Variants in RTN1 observed in about 807,000 individuals in gnomAD.
RTN1 encodes reticulon 1.
RTN1 carries 25 observed loss-of-function variants against 65.5 expected under a neutral mutation model. The ratio of observed to expected loss-of-function variants is 0.38; its 90% confidence interval spans 0.28 to 0.53. The LOEUF is 0.53. RTN1 is among the 20% of genes least tolerant of loss of function. The probability of loss-of-function intolerance (pLI) is 0.79; values close to 1 mark genes in which losing one functional copy is unlikely to be tolerated. For synonymous variants in RTN1, 471 were observed against 447.6 expected (o/e 1.05, Z -0.66); for missense variants, 983 against 1,025.4 (o/e 0.96, Z 0.57).
intron 3 of RTN1, chr14:59,647,093 A>G (rs1339501696): frequency 6.6e-6 from 1 of 152,388 alleles, no homozygotes; most frequent in African/African-American, 2.4e-5. Context: ...TATGCTCAAA[A>G]TAAAGGGATG....
chr14:59,683,923 T>G (rs937361814), intron 3 of RTN1, among the ~76,000 whole-genome samples: 2 of 152,088 alleles, frequency 1.3e-5, no homozygotes, highest in African/African-American at 4.8e-5. Context: ...TTTGTCTGAT[T>G]CTTATTACCA....
At chr14:59,823,540 C>T (rs1886979722) in intron 1 of RTN1, among the ~76,000 whole-genome samples, 1 of 152,024 alleles carries the variant, frequency 6.6e-6, no homozygotes, top group Non-Finnish European at 1.5e-5. Context: ...GAAGCTTAGT[C>T]TGGTTGGAAA....
chr14:59,666,491 A>G lies in RTN1; in HGVS notation c.1766-58999T>C, dbSNP rs189748955. 3.4e-3 allele frequency among the ~76,000 whole-genome samples: 511 copies of G among 152,298 alleles called. 3 individuals are homozygous for G. The highest frequency in any genetic ancestry group is 0.011 in the African/African-American group (478 of 41,570). On this transcript the variant is annotated intron_variant, in intron 3 of 8. Coordinates refer to ENST00000267484, the MANE Select transcript of RTN1 (RefSeq NM_021136.3). The stretch of plus-strand genomic sequence containing the variant: ...TAAATGTCCACAAGAAAAAGCAGGA[A>G]AGATCTAAAATCGACACTCTAACAT...
chr14:59,668,056 C>T (rs1048694455), intron 3 of RTN1, among the ~76,000 whole-genome samples: 1 of 152,090 alleles, frequency 6.6e-6, no homozygotes, highest in Non-Finnish European at 1.5e-5. Flanking sequence ...TCAATGTCAT[C>T]CCCATCAAGC....
intron 1 of RTN1, among the ~76,000 whole-genome samples, chr14:59,777,782 GAAGC>G (rs1288561532): frequency 6.8e-6 from 1 of 147,528 alleles, no homozygotes; most frequent in African/African-American, 2.5e-5. Flanking sequence ...ATCAAAAACG[GAAGC>G]AAGTCAAGAC....
intron 1 of RTN1, among the ~76,000 whole-genome samples, chr14:59,767,304 T>A (rs954149330): frequency 6.6e-6 from 1 of 152,202 alleles, no homozygotes; most frequent in African/African-American, 2.4e-5. Context: ...CAGTCTTTCT[T>A]TACCCTCCCC....
At chr14:59,707,586 G>A (rs1349577972) in intron 3 of RTN1, among the ~76,000 whole-genome samples, 1 of 152,100 alleles carries the variant, frequency 6.6e-6, no homozygotes, top group Admixed American at 6.6e-5. Flanking sequence ...CAATGGTGCT[G>A]AATTTACAAA....
At chr14:59,732,339 G>A (rs1453149036) in intron 2 of RTN1, among the ~76,000 whole-genome samples, 1 of 152,210 alleles carries the variant, frequency 6.6e-6, no homozygotes, top group Non-Finnish European at 1.5e-5. Context: ...AATAGAATCA[G>A]CTTCGGTCCC....
intron 8 of RTN1, among the ~76,000 whole-genome samples, chr14:59,602,354 A>C (rs1019610738): frequency 1.3e-5 from 2 of 152,176 alleles, no homozygotes; most frequent in Non-Finnish European, 2.9e-5. Context: ...ATATTGAATA[A>C]TAATGCAATA....
intron 1 of RTN1, among the ~76,000 whole-genome samples, chr14:59,775,485 G>A (rs980778506): frequency 1.7e-4 from 26 of 152,076 alleles, no homozygotes; most frequent in African/African-American, 5.8e-4. Context: ...ACTGCATAAT[G>A]GTGGTGATAG....
chr14:59,672,972 T>A (rs571710911), intron 3 of RTN1, among the ~76,000 whole-genome samples: 2 of 152,342 alleles, frequency 1.3e-5, no homozygotes, highest in African/African-American at 2.4e-5. Flanking sequence ...ACTTCTTTGG[T>A]TAACTAGGAA....
At chr14:59,650,702 G>T (rs61394832) in intron 3 of RTN1, among the ~76,000 whole-genome samples, 2,999 of 152,272 alleles carry the variant, frequency 0.02, 102 homozygotes, top group African/African-American at 0.068. Flanking sequence ...GCTAACCAGG[G>T]ATTGTAAGAT....
At chr14:59,839,275 T>C (rs998039272) in intron 1 of RTN1, among the ~76,000 whole-genome samples, 1 of 152,212 alleles carries the variant, frequency 6.6e-6, no homozygotes, top group Non-Finnish European at 1.5e-5. Context: ...TCTGTATTAC[T>C]ACAAAAATAC....
rs1309819315 is a variant in RTN1 at position 59,870,619 on chromosome 14, C to A, written c.12G>T (p.Pro4=). The change falls in exon 1 of 9, where the codon CCG becomes CCT. Residue 4 remains proline (P), a synonymous_variant. Transcript: ENST00000267484. This position sits in a 1 kb window ranked among gnomAD's most constrained non-coding sequence, Gnocchi z 5.1. ...GCAGCAGCTCGTCCTGCGGATCCCC[C>A]GGCGCGGCCATGGCTGGCGGTCCCC... MAA[P]GDPQDELLPL... is the part of the protein sequence containing the mutation. The A allele has an allele frequency of 1.4e-6, 2 of 1,420,456 alleles. No homozygotes were observed. Among genetic ancestry groups the A allele is most frequent in the Non-Finnish European group, 1.8e-6 (2 of 1,091,424 alleles). The allele number at this position is 1,420,456 out of a possible 1,614,324, so 88.0% of individuals were successfully genotyped here. A position where few individuals can be genotyped will look rare whatever the true frequency, so the allele number is the denominator to read the frequency against.
chr14:59,706,317 C>T (rs1884293881), intron 3 of RTN1, among the ~76,000 whole-genome samples: 1 of 152,140 alleles, frequency 6.6e-6, no homozygotes, highest in Admixed American at 6.5e-5. Context: ...TTTAGTCTTC[C>T]TCTGAAATTG....
intron 1 of RTN1, among the ~76,000 whole-genome samples, chr14:59,845,802 T>C (rs1214376907): frequency 1.3e-5 from 2 of 151,892 alleles, no homozygotes; most frequent in African/African-American, 4.8e-5. Flanking sequence ...CCTAGAAGAA[T>C]CTCCCAAACC....
chr14:59,606,048 T>C (rs1442190061), intron 4 of RTN1: 1 of 149,874 alleles, frequency 6.7e-6, no homozygotes, highest in Non-Finnish European at 1.5e-5. Flanking sequence ...TTTTTAATAA[T>C]GACATTTTTC....
At chr14:59,867,770 T>G (rs1317651708) in intron 1 of RTN1, among the ~76,000 whole-genome samples, 1 of 152,192 alleles carries the variant, frequency 6.6e-6, no homozygotes, top group Admixed American at 6.5e-5. Context: ...CTGTTTACAG[T>G]GCATCACACT....
At chr14:59,869,722 C>G (rs1400904901) in intron 1 of RTN1, among the ~76,000 whole-genome samples, 1 of 152,118 alleles carries the variant, frequency 6.6e-6, no homozygotes, top group African/African-American at 2.4e-5. Context: ...ATCCGGGCAG[C>G]GGCGAAATAC....
Sources: allele counts gnomAD v4.1 joint callset (sites outside exome capture counted in the v4.1 genomes callset), GRCh38; gene constraint gnomAD v4.1.1; non-coding constraint Gnocchi (gnomAD v3.1); transcripts MANE v1.5; gene names NCBI Gene and HGNC (gene_info 2026-07-23, HGNC 2026-07-21).